STK38: variants seen among roughly 807,000 people sequenced by gnomAD.
STK38 encodes the protein serine/threonine kinase 38, also known as serine/threonine-protein kinase 38.
A neutral mutation model predicts 59.0 loss-of-function variants in STK38; 26 were observed. That is an observed-to-expected ratio of 0.44 (90% CI 0.32 to 0.61). The LOEUF (loss-of-function observed/expected upper bound fraction) is 0.61, where lower values mean the gene tolerates loss of function less well. Ranked by LOEUF, STK38 falls within the 20% of genes least tolerant of loss-of-function variation. The pLI, the probability that STK38 is intolerant of heterozygous loss-of-function variation, is 0.04. For missense variants in STK38, 433 were observed against 566.0 expected (o/e 0.76, Z 2.38); for synonymous variants, 175 against 176.6 (o/e 0.99, Z 0.07).
intron 2 of STK38, among the ~76,000 whole-genome samples, chr6:36,527,205 A>ATATATATAT (rs1401899969): frequency 2.5e-4 from 28 of 112,746 alleles, no homozygotes; most frequent in African/African-American, 7.4e-4. Context: ...AAAAAAAAAA[A>ATATATATAT]AAATATATGT....
chr6:36,525,510 T>C (rs1777489675), intron 3 of STK38, 81 bp downstream of exon 3: 1 of 1,329,776 alleles, frequency 7.5e-7, no homozygotes, highest in East Asian at 2.3e-5. Context: ...CCTTCTCATG[T>C]GTACCAAGGC....
intron 3 of STK38, among the ~76,000 whole-genome samples, chr6:36,524,918 G>A (rs555445490): frequency 1.3e-5 from 2 of 152,208 alleles, no homozygotes; most frequent in African/African-American, 4.8e-5. Context: ...TCCTATTTTT[G>A]AAGGCATTTC....
intron 7 of STK38, among the ~76,000 whole-genome samples, chr6:36,509,166 G>C (rs563687912): frequency 6.6e-6 from 1 of 152,170 alleles, no homozygotes; most frequent in Non-Finnish European, 1.5e-5. Context: ...CTGCATTCAG[G>C]AACAATGAGG....
intron 7 of STK38, among the ~76,000 whole-genome samples, chr6:36,511,280 T>C (rs184273617): frequency 6.6e-6 from 1 of 152,202 alleles, no homozygotes; most frequent in Non-Finnish European, 1.5e-5. Flanking sequence ...GATGTGTGTA[T>C]GTACATATGT....
intron 13 of STK38, among the ~76,000 whole-genome samples, chr6:36,496,137 G>A (rs1031333470): frequency 4.0e-5 from 6 of 149,826 alleles, no homozygotes; most frequent in African/African-American, 9.9e-5. Context: ...CTTGCCTCCC[G>A]GGTTCAAACA....
At chr6:36,518,720 GC>G (rs960425913) in intron 5 of STK38, among the ~76,000 whole-genome samples, 3 of 152,052 alleles carry the variant, frequency 2.0e-5, no homozygotes, top group African/African-American at 7.2e-5. Flanking sequence ...ACCATGCCTG[GC>G]CCCTCCCCTC....
At chr6:36,495,958 C>T (rs1334615804) in intron 13 of STK38, 44 bp from the exon 14 acceptor site, 6 of 1,611,172 alleles carry the variant, frequency 3.7e-6, no homozygotes, top group Non-Finnish European at 8.5e-7. Flanking sequence ...TGCCTTGCCT[C>T]CAATGGACTG....
At chr6:36,535,012 A>T (rs188623319) in intron 2 of STK38, among the ~76,000 whole-genome samples, 5 of 152,204 alleles carry the variant, frequency 3.3e-5, no homozygotes, top group African/African-American at 1.2e-4. Flanking sequence ...ATATGTCTAT[A>T]TATTAGCAGC....
At chr6:36,528,098 G>C (rs1777577222) in intron 2 of STK38, among the ~76,000 whole-genome samples, 1 of 150,722 alleles carries the variant, frequency 6.6e-6, no homozygotes, top group Non-Finnish European at 1.5e-5. Flanking sequence ...AACAGAGCGA[G>C]ACTCCATCTC....
rs774718157 is a variant in STK38 at position 36,534,209 on chromosome 6, T to C, written c.131+5863A>G. ...AAAAGAATAAAGGAGAAAAACAATA[T>C]GACCATTATGGAGATGATGAAAAAG... On this transcript the variant is annotated intron_variant, in intron 2 of 13. Coordinates refer to ENST00000229812, the MANE Select transcript of STK38 (RefSeq NM_007271.4). Among the ~76,000 whole-genome samples, 9 of 151,652 alleles carry C rather than the reference T, an allele frequency of 5.9e-5. No homozygotes were observed. In the South Asian group the frequency reaches 6.2e-4, roughly 11 times the overall value.
chr6:36,535,108 CACTAAAAA>C (rs1408843455), intron 2 of STK38, among the ~76,000 whole-genome samples: 10 of 152,090 alleles, frequency 6.6e-5, no homozygotes, highest in African/African-American at 2.4e-4. Context: ...AAGATGCACA[CACTAAAAA>C]TTATGAAAAC....
chr6:36,516,248 C>A (rs990136547), intron 6 of STK38, among the ~76,000 whole-genome samples: 1 of 152,080 alleles, frequency 6.6e-6, no homozygotes, highest in Admixed American at 6.5e-5. Flanking sequence ...TAGTTTTCTG[C>A]AAAGTCAAAA....
In STK38 at chr6:36,547,383, A is replaced by G. The variant is rs1438954836; in HGVS notation, c.-199T>C. The stretch of plus-strand genomic sequence containing the variant: ...GGTGAGGACAACAGGAAGCGTTCCA[A>G]CTGCCGGAAAAGACGCGAGCGCTGA... On this transcript the variant is annotated 5_prime_UTR_variant, in exon 1 of 14. Coordinates refer to ENST00000229812, the MANE Select transcript of STK38 (RefSeq NM_007271.4). 6.6e-6 allele frequency: 1 copy of G among 152,356 alleles called. No homozygotes were observed. The highest frequency in any genetic ancestry group is 1.5e-5 in the Non-Finnish European group (1 of 68,142). The allele number at this position is 152,356 out of a possible 1,614,324, so 9.4% of individuals were successfully genotyped here.
intron 5 of STK38, among the ~76,000 whole-genome samples, chr6:36,519,940 A>C (rs1414355220): frequency 6.6e-6 from 1 of 152,222 alleles, no homozygotes. Context: ...CTGAACTCTC[A>C]GTGGGTAGCT....
intron 2 of STK38, among the ~76,000 whole-genome samples, chr6:36,533,553 A>G (rs1777719754): frequency 6.6e-6 from 1 of 152,230 alleles, no homozygotes; most frequent in Non-Finnish European, 1.5e-5. Flanking sequence ...AATGCAAAGC[A>G]CTGCTGTCTG....
chr6:36,495,945 CA>C (rs756215602), intron 13 of STK38, 31 bp from the exon 14 acceptor site: 2 of 1,612,114 alleles, frequency 1.2e-6, no homozygotes, highest in East Asian at 2.2e-5. Context: ...AGAGTTGATT[CA>C]CTGCCTTGCC....
intron 5 of STK38, among the ~76,000 whole-genome samples, chr6:36,521,311 T>A (rs1233770082): frequency 1.3e-5 from 2 of 152,148 alleles, no homozygotes; most frequent in African/African-American, 4.8e-5. Context: ...ATGAAGCATA[T>A]AAAGACACAT....
chr6:36,528,194 C>T (rs1441751542), intron 2 of STK38, among the ~76,000 whole-genome samples: 1 of 152,004 alleles, frequency 6.6e-6, no homozygotes, highest in African/African-American at 2.4e-5. Context: ...AAATGCCACA[C>T]CAAGAAGGTT....
intron 2 of STK38, among the ~76,000 whole-genome samples, chr6:36,527,315 TACACACATATATATAC>T (rs1205428395): frequency 4.7e-5 from 4 of 85,916 alleles, no homozygotes; most frequent in East Asian, 4.8e-4. Flanking sequence ...TACGTATATA[TACACACATATATATAC>T]ACACACATAT....
Sources: allele counts gnomAD v4.1 joint callset (sites outside exome capture counted in the v4.1 genomes callset), GRCh38; gene constraint gnomAD v4.1.1; transcripts MANE v1.5; gene names NCBI Gene and HGNC (gene_info 2026-07-23, HGNC 2026-07-21).